Variants in STAT5B observed in about 807,000 individuals in gnomAD.
STAT5B encodes transcription factor STAT5B.
Under a neutral mutation model 107.8 loss-of-function variants are expected in STAT5B, and 21 were observed. That is an observed-to-expected ratio of 0.19 (90% CI 0.14 to 0.28). The LOEUF is 0.28. STAT5B is among the 10% of genes least tolerant of loss of function. STAT5B has a pLI of 1.00. For missense variants in STAT5B, 565 were observed against 1,008.2 expected, an observed-to-expected ratio of 0.56 and a Z score of 5.95; for synonymous variants, 325 against 401.7, an observed-to-expected ratio of 0.81 and a Z score of 2.28.
intron 1 of STAT5B, chr17:42,268,713 AG>A (rs1205046833): frequency 1.3e-5 from 2 of 152,170 alleles, no homozygotes; most frequent in African/African-American, 4.8e-5. Context: ...ACAAATTCAC[AG>A]GGTGAACTGT....
chr17:42,214,233 T>C (rs2080153173), intron 12 of STAT5B: 5 of 985,054 alleles, frequency 5.1e-6, no homozygotes, highest in Non-Finnish European at 6.0e-6. Flanking sequence ...TTAGACAAGA[T>C]ACTTGAGTAA....
chr17:42,207,391 C>T (rs2080093274), intron 16 of STAT5B, among the ~76,000 whole-genome samples, 167 bp downstream of exon 16: 1 of 151,604 alleles, frequency 6.6e-6, no homozygotes, highest in Non-Finnish European at 1.5e-5. Context: ...AGAATCCAGC[C>T]CAAGGTTTAC....
intron 1 of STAT5B, chr17:42,275,129 G>A (rs8080122): frequency 0.36 from 54,774 of 152,056 alleles, 11,129 homozygotes; most frequent in African/African-American, 0.55. Context: ...ACAAACAGCC[G>A]TGTCACCTGA....
At position 42,226,976 on chromosome 17, in the gene STAT5B, A is replaced by T. The variant is rs1295909332; in HGVS notation, c.285+553T>A. On this transcript the variant is annotated intron_variant, in intron 3 of 18. Transcript: ENST00000293328. ...CCCGTCTCCACTAAAAATACCAAAA[A>T]AAAAAAAAAACTGCCAGGCATGGTG... 8.0e-5 allele frequency among the ~76,000 whole-genome samples: 12 copies of T among 149,548 alleles called. No homozygotes were observed. In the East Asian group the frequency reaches 2.3e-3, roughly 29 times the overall value.
intron 1 of STAT5B, among the ~76,000 whole-genome samples, chr17:42,239,280 T>G (rs1458246423): frequency 6.9e-6 from 1 of 144,810 alleles, no homozygotes; most frequent in Admixed American, 6.8e-5. Flanking sequence ...AGAAGAAAAC[T>G]ACCTATTCCA....
chr17:42,221,466 T>C (rs2080225621), intron 5 of STAT5B, among the ~76,000 whole-genome samples: 1 of 152,212 alleles, frequency 6.6e-6, no homozygotes, highest in Non-Finnish European at 1.5e-5. Context: ...CTGAGTGAAC[T>C]TGACAAATGG....
rs2080030032 is a variant in STAT5B, at chr17:42,199,856, C to T, written c.*1882G>A. On this transcript the variant is annotated 3_prime_UTR_variant, in exon 19 of 19. Coordinates refer to ENST00000293328, the MANE Select transcript of STAT5B (RefSeq NM_012448.4). ...GACCCCCCAACCAGGGTTGCTGGAA[C>T]AGAGAGCGAGGTCTCAGAGGCAGGT... is the stretch of plus-strand genomic sequence containing the variant. 1 of 152,456 alleles carries T rather than the reference C, an allele frequency of 6.6e-6. No individual in the cohort carries two copies. The highest frequency in any genetic ancestry group is 1.5e-5 in the Non-Finnish European group (1 of 68,124). 9.4% of individuals were successfully genotyped at this position (152,456 alleles called of 1,614,324 possible).
intron 12 of STAT5B, among the ~76,000 whole-genome samples, chr17:42,213,086 C>A (rs760401860): frequency 6.6e-6 from 1 of 152,220 alleles, no homozygotes; most frequent in Non-Finnish European, 1.5e-5. Context: ...TTTCACCAGA[C>A]CCCCATAGAT....
At chr17:42,225,465 G>A (rs898338720) in intron 3 of STAT5B, among the ~76,000 whole-genome samples, 14 of 152,090 alleles carry the variant, frequency 9.2e-5, no homozygotes, top group African/African-American at 3.4e-4. Flanking sequence ...CACCAATGAG[G>A]GGACGAGGGA....
chr17:42,271,512 C>T (rs1046210184), intron 1 of STAT5B: 4 of 152,194 alleles, frequency 2.6e-5, no homozygotes, highest in Non-Finnish European at 4.4e-5. Context: ...TGAGTCAGCA[C>T]AAGCACCTCA....
chr17:42,255,455 A>T (rs1356586798), intron 1 of STAT5B, among the ~76,000 whole-genome samples: 1 of 152,234 alleles, frequency 6.6e-6, no homozygotes, highest in East Asian at 1.9e-4. Flanking sequence ...ATCACTGGCC[A>T]GGTCTAGGTA....
rs144418269 is a variant in STAT5B at position 42,223,855 on chromosome 17, G to A, written c.376-299C>T. Among the ~76,000 whole-genome samples, 139 of 152,206 alleles carry A rather than the reference G, an allele frequency of 9.1e-4. 1 individual carries two copies. Among genetic ancestry groups the A allele is most frequent in the African/African-American group, 3.1e-3 (127 of 41,530 alleles). On this transcript the variant is annotated intron_variant, in intron 4 of 18. Transcript: ENST00000293328. ...GAATTACCTTTGGAGAAACTAGAACGTAACCTGGTCCAGTGTCACCTGGGT... is the reference window on the plus strand; with the variant it reads ...GAATTACCTTTGGAGAAACTAGAACATAACCTGGTCCAGTGTCACCTGGGT...
chr17:42,274,373 G>A (rs1319028396), intron 1 of STAT5B, among the ~76,000 whole-genome samples: 2 of 149,738 alleles, frequency 1.3e-5, no homozygotes, highest in Admixed American at 1.3e-4. Flanking sequence ...GGCTACAGTA[G>A]CAAACAAGTC....
At chr17:42,260,907 T>C (rs1485303936) in intron 1 of STAT5B, among the ~76,000 whole-genome samples, 2 of 149,146 alleles carry the variant, frequency 1.3e-5, no homozygotes, top group African/African-American at 2.5e-5. Context: ...TCCTAGTTTA[T>C]ATGTCTTACC....
the STAT5B span, among the ~76,000 whole-genome samples, chr17:42,287,198 CTT>C: frequency 1.4e-5 from 2 of 144,244 alleles, no homozygotes; most frequent in African/African-American, 2.5e-5. Flanking sequence ...CTTTGAAGTT[CTT>C]TTTTTTTTTT....
intron 15 of STAT5B, among the ~76,000 whole-genome samples, chr17:42,209,082 T>A (rs376983003): frequency 4.1e-5 from 6 of 148,012 alleles, no homozygotes; most frequent in African/African-American, 1.5e-4. Flanking sequence ...TTGCCCAGGC[T>A]GGAGTACAGT....
chr17:42,250,110 C>T lies in STAT5B; in HGVS notation c.-10-17973G>A, dbSNP rs78594764. ...TTTTAAACATTTTTCTCAACCAGAT[C>T]GGTTCCCGGCTTAACTATCTACACA... On this transcript the variant is annotated intron_variant, in intron 1 of 18. Transcript: ENST00000293328. Among the ~76,000 whole-genome samples the T allele has an allele frequency of 8.2e-3, 1,248 of 152,102 alleles. 67 individuals are homozygous for T. In the East Asian group the frequency reaches 0.15, roughly 18 times the overall value.
intron 1 of STAT5B, among the ~76,000 whole-genome samples, chr17:42,263,972 T>A (rs115478858): frequency 6.6e-6 from 1 of 151,512 alleles, no homozygotes; most frequent in African/African-American, 2.4e-5. Context: ...CCAGGCACAA[T>A]TGTATATGAT....
chr17:42,221,960 G>T (rs1283923930), intron 5 of STAT5B, among the ~76,000 whole-genome samples: 1 of 147,908 alleles, frequency 6.8e-6, no homozygotes, highest in Non-Finnish European at 1.5e-5. Flanking sequence ...GTGTGTGTGT[G>T]TGCTATGTGT....
Sources: allele counts gnomAD v4.1 joint callset (sites outside exome capture counted in the v4.1 genomes callset), GRCh38; gene constraint gnomAD v4.1.1; transcripts MANE v1.5; gene names NCBI Gene and HGNC (gene_info 2026-07-23, HGNC 2026-07-21).